POSTN: variants seen among roughly 807,000 people sequenced by gnomAD.
POSTN encodes the protein periostin.
POSTN carries 71 observed loss-of-function variants against 104.5 expected under a neutral mutation model. The observed-to-expected ratio is 0.68, with a 90% CI of 0.56 to 0.83. The LOEUF (loss-of-function observed/expected upper bound fraction) is 0.83. Ranked by LOEUF, POSTN falls within the 40% of genes least tolerant of loss-of-function variation. POSTN has a pLI of 0.00. For missense variants in POSTN, 949 were observed against 1,006.8 expected (o/e 0.94, Z 0.78); for synonymous variants, 355 against 340.7 (o/e 1.04, Z -0.46).
intron 2 of POSTN, 45 bp downstream of exon 2, chr13:37,597,139 G>A (rs750696401): frequency 2.3e-6 from 3 of 1,309,236 alleles, no homozygotes; most frequent in South Asian, 2.8e-5. Flanking sequence ...ACATCATGAT[G>A]TTGTTTTTGG....
intron 7 of POSTN, among the ~76,000 whole-genome samples, chr13:37,585,726 C>T (rs896488820): frequency 1.1e-4 from 17 of 152,100 alleles, no homozygotes; most frequent in African/African-American, 3.6e-4. Flanking sequence ...CTTGGAAAGC[C>T]ACCAAATTCT....
rs777233912 is a variant in POSTN, at chr13:37,579,037, T to C, written c.1876A>G (p.Lys626Glu). The change falls in exon 14 of 23, where the codon AAA becomes GAA. Residue 626 changes from lysine (K) to glutamate (E), a missense_variant. Lys to Glu is a moderately conservative substitution (Grantham distance 56). Transcript: ENST00000379747. ...TTNGVIHVVD[K>E]LLYPADTPVG... ...TACAAACCTGCTGGATAGAGGAGTTTATCTACAACATGAATTACACCATTT... is the reference window on the plus strand; with the variant it reads ...TACAAACCTGCTGGATAGAGGAGTTCATCTACAACATGAATTACACCATTT... 6.2e-6 allele frequency: 10 copies of C among 1,613,434 alleles called. No individual in the cohort carries two copies. Among genetic ancestry groups the C allele is most frequent in the Non-Finnish European group, 5.9e-6 (7 of 1,179,686 alleles).
rs1438154516 is a variant in POSTN, at chr13:37,577,796, A to T, written c.1965T>A (p.Phe655Leu). 4 of 1,613,610 alleles carry T rather than the reference A, an allele frequency of 2.5e-6. No individual in the cohort carries two copies. Among genetic ancestry groups the T allele is most frequent in the Non-Finnish European group, 3.4e-6 (4 of 1,179,688 alleles). The change falls in exon 16 of 23, where the codon TTT becomes TTA. Residue 655 changes from phenylalanine (F) to leucine (L), a missense_variant and splice_region_variant. Phe to Leu is a conservative substitution (Grantham distance 22, BLOSUM62 0). Coordinates refer to ENST00000379747, the MANE Select transcript of POSTN (RefSeq NM_006475.3). ...TTTCTTTGAAGGTGCTACCACGAACAAACTGAAAATAAATGTTTATATTTA... is the reference window on the plus strand; with the variant it reads ...TTTCTTTGAAGGTGCTACCACGAACTAACTGAAAATAAATGTTTATATTTA... Reference protein sequence around the residue: ...NKLIKYIQIKFVRGSTFKEIP... With the variant: ...NKLIKYIQIKLVRGSTFKEIP...
At chr13:37,590,275 A>T (rs1950889195) in intron 4 of POSTN, 97 bp downstream of exon 4, 2 of 965,628 alleles carry the variant, frequency 2.1e-6, no homozygotes, top group East Asian at 2.7e-5. Flanking sequence ...CAATAGAAAG[A>T]TATAAAATTT....
chr13:37,596,495 T>C (rs1951090382), intron 2 of POSTN, among the ~76,000 whole-genome samples: 1 of 152,168 alleles, frequency 6.6e-6, no homozygotes, highest in Admixed American at 6.5e-5. Flanking sequence ...TATTAAGTAA[T>C]AAATAATGCT....
chr13:37,593,792 T>C (rs1183206530), intron 2 of POSTN, among the ~76,000 whole-genome samples: 4 of 151,556 alleles, frequency 2.6e-5, no homozygotes, highest in Admixed American at 1.3e-4. Flanking sequence ...ATATAAAAGA[T>C]GATTTTATAG....
rs569407253 is a variant in POSTN, at chr13:37,563,270, A to G, written c.*63T>C. 8.2e-5 allele frequency: 98 copies of G among 1,202,256 alleles called. 1 individual carries two copies. The South Asian group carries it at 1.5e-3, about 18-fold the overall frequency. The allele number at this position is 1,202,256 out of a possible 1,614,324, so 74.5% of individuals were successfully genotyped here. ...TCCTGAAGTCAACTTGGCTCTCACA[A>G]TTTTCTAAGGTCAGGTTATTGACTT... On this transcript the variant is annotated 3_prime_UTR_variant, in exon 23 of 23. Transcript: ENST00000379747.
chr13:37,578,964 C>T lies in POSTN; in HGVS notation c.1895-53G>A, dbSNP rs902551443. On this transcript the variant is annotated intron_variant, in intron 14 of 22. Coordinates refer to ENST00000379747, the MANE Select transcript of POSTN (RefSeq NM_006475.3). The stretch of plus-strand genomic sequence containing the variant: ...TGGTAAGAAAGCATAAAATAAAAAT[C>T]GAGGTTCATATTAAAAAAAGACTTA... 11 of 1,594,218 alleles carry T rather than the reference C, an allele frequency of 6.9e-6. No individual in the cohort carries two copies. In the African/African-American group the frequency reaches 9.5e-5, roughly 14 times the overall value.
chr13:37,570,723 C>T (rs940900367), intron 18 of POSTN, 54 bp from the exon 19 acceptor site: 4 of 1,051,332 alleles, frequency 3.8e-6, no homozygotes, highest in Non-Finnish European at 5.9e-6. Context: ...TGTGACTATA[C>T]ATCCATAAGC....
Position 37,597,597 on chromosome 13 carries a change from T to C in POSTN, c.120-315A>G, listed in dbSNP as rs111937682. Among the ~76,000 whole-genome samples the C allele has an allele frequency of 7.9e-3, 1,200 of 152,252 alleles. 11 individuals are homozygous for C. The highest frequency in any genetic ancestry group is 0.028 in the African/African-American group (1,162 of 41,546). On this transcript the variant is annotated intron_variant, in intron 1 of 22. Coordinates refer to ENST00000379747, the MANE Select transcript of POSTN (RefSeq NM_006475.3). The stretch of plus-strand genomic sequence containing the variant: ...TTTTATTTCTATGTGCCTTATTACT[T>C]TTAATGGTAGATAATCTACTGACCC...
At chr13:37,596,056 C>A (rs1227968436) in intron 2 of POSTN, among the ~76,000 whole-genome samples, 1 of 152,038 alleles carries the variant, frequency 6.6e-6, no homozygotes, top group Admixed American at 6.6e-5. Context: ...CCTGTCTCAG[C>A]CCCCCCAAAG....
At position 37,597,200 on chromosome 13, in the gene POSTN, T is replaced by C. The variant is rs1951109999; in HGVS notation, c.202A>G (p.Ile68Val). ...GAGACTTACGTTTTCTGTCCACAGATGGACTTTTTATACCAGTTCTTACAA... is the reference window on the plus strand; with the variant it reads ...GAGACTTACGTTTTCTGTCCACAGACGGACTTTTTATACCAGTTCTTACAA... ...STCKNWYKKS[I>V]CGQKTTVLYE... The change falls in exon 2 of 23, where the codon ATC (isoleucine) becomes GTC (valine). Residue 68 changes from isoleucine to valine, a missense_variant. Ile to Val is a conservative substitution (Grantham distance 29). Transcript: ENST00000379747. 1 of 1,561,892 alleles carries C rather than the reference T, an allele frequency of 6.4e-7. No homozygotes were observed. The highest frequency in any genetic ancestry group is 1.4e-5 in the African/African-American group (1 of 70,874).
In POSTN at chr13:37,562,753, A is replaced by T. The variant is rs1415913366; in HGVS notation, c.*580T>A. ...TGGTTTTATTGAAACGTTTGAGATT[A>T]AAAAATATGCATTGCAAGAAGCATA... On this transcript the variant is annotated 3_prime_UTR_variant, in exon 23 of 23. Transcript: ENST00000379747. 1 of 152,224 alleles carries T rather than the reference A, an allele frequency of 6.6e-6. No homozygotes were observed. The highest frequency in any genetic ancestry group is 2.4e-5 in the African/African-American group (1 of 41,454). 9.4% of individuals were successfully genotyped at this position (152,224 alleles called of 1,614,324 possible).
Position 37,587,127 on chromosome 13 carries a change from T to C in POSTN, c.607-199A>G, listed in dbSNP as rs17056122. Reference sequence around the variant, plus strand: ...AAACTGTAAGAGAAAAGGGAACCAGTTGAGAACCCAAGTCAAGTCATACTT... The same window carrying C: ...AAACTGTAAGAGAAAAGGGAACCAGCTGAGAACCCAAGTCAAGTCATACTT... On this transcript the variant is annotated intron_variant, in intron 5 of 22. Coordinates refer to ENST00000379747, the MANE Select transcript of POSTN (RefSeq NM_006475.3). 8.4e-3 allele frequency among the ~76,000 whole-genome samples: 1,280 copies of C among 152,262 alleles called. 16 individuals carry two copies. The highest frequency in any genetic ancestry group is 0.03 in the African/African-American group (1,228 of 41,548).
At chr13:37,576,033 C>G (rs1950399695) in intron 16 of POSTN, among the ~76,000 whole-genome samples, 1 of 152,070 alleles carries the variant, frequency 6.6e-6, no homozygotes, top group Admixed American at 6.6e-5. Flanking sequence ...TGGTAGTTTT[C>G]ATTTCAATCT....
chr13:37,580,433 A>G (rs1314925494), intron 11 of POSTN, 128 bp downstream of exon 11: 1 of 1,052,582 alleles, frequency 9.5e-7, no homozygotes, highest in Non-Finnish European at 1.4e-6. Flanking sequence ...AAACACTTGT[A>G]TGAACATTTT....
intron 10 of POSTN, among the ~76,000 whole-genome samples, chr13:37,581,325 T>G (rs113631992): frequency 1.5e-3 from 230 of 152,316 alleles, no homozygotes; most frequent in Non-Finnish European, 2.4e-3. Context: ...TGTGAAGTCT[T>G]TTAGTTGTAG....
intron 2 of POSTN, among the ~76,000 whole-genome samples, chr13:37,595,578 C>G (rs11619443): frequency 0.2 from 30,419 of 152,062 alleles, 3,710 homozygotes; most frequent in Non-Finnish European, 0.28. Flanking sequence ...GAAATAAAGA[C>G]AATCTTGTGC....
intron 16 of POSTN, among the ~76,000 whole-genome samples, chr13:37,577,444 A>G (rs1950442390): frequency 6.6e-6 from 1 of 152,168 alleles, no homozygotes; most frequent in African/African-American, 2.4e-5. Flanking sequence ...AGATATTTCT[A>G]GAGGGTCTTT....
Sources: gnomAD v4.1 joint callset for allele counts (sites outside exome capture counted in the v4.1 genomes callset) on GRCh38, gnomAD v4.1.1 for gene constraint, MANE v1.5 for transcripts, NCBI Gene and HGNC (gene_info 2026-07-23, HGNC 2026-07-21) for gene names.